MLLT10: variants seen among roughly 807,000 people sequenced by gnomAD.
The protein encoded by MLLT10 is protein AF-10.
In MLLT10, 30 loss-of-function variants were observed where a neutral mutation model predicts 129.1. That is an observed-to-expected ratio of 0.23 (90% confidence interval 0.17 to 0.32). MLLT10 has a LOEUF of 0.32. Among genes scored for constraint, MLLT10 ranks in the 10% least tolerant of loss-of-function variants. MLLT10 has a pLI of 1.00. For synonymous variants in MLLT10, 490 were observed against 446.4 expected (o/e 1.10, Z -1.23); for missense variants, 1,119 against 1,268.3 (o/e 0.88, Z 1.79).
intron 14 of MLLT10, among the ~76,000 whole-genome samples, chr10:21,723,594 G>A (rs2057282998): frequency 6.6e-6 from 1 of 152,148 alleles, no homozygotes; most frequent in African/African-American, 2.4e-5. Flanking sequence ...ACTAAAATGA[G>A]AATGCTATCC....
chr10:21,546,831 G>A (rs1380358123), intron 3 of MLLT10, among the ~76,000 whole-genome samples: 1 of 151,880 alleles, frequency 6.6e-6, no homozygotes, highest in Non-Finnish European at 1.5e-5. Context: ...GGGTTCAAGC[G>A]ATTGTCCTGC....
intron 3 of MLLT10, among the ~76,000 whole-genome samples, chr10:21,541,991 A>G (rs1253215295): frequency 1.3e-5 from 2 of 151,978 alleles, no homozygotes; most frequent in East Asian, 3.9e-4. Context: ...TTTTCTTTGT[A>G]TCATGTTACG....
intron 4 of MLLT10, 39 bp from the exon 5 acceptor site, chr10:21,595,292 A>G (rs374961268): frequency 2.0e-4 from 314 of 1,542,818 alleles, no homozygotes; most frequent in Non-Finnish European, 2.6e-4. Context: ...TTTGCTTTCG[A>G]TAAAACTGAA....
chr10:21,607,349 T>C (rs966927121), intron 5 of MLLT10, among the ~76,000 whole-genome samples: 11 of 150,648 alleles, frequency 7.3e-5, no homozygotes, highest in African/African-American at 2.7e-4. Flanking sequence ...AGATGGAGTT[T>C]TGCTCTTGTT....
chr10:21,694,564 A>T lies in MLLT10; in HGVS notation c.1699+12307A>T, dbSNP rs182678637. ...GTGTTTAAGGATTCCTGTGGGCTAT[A>T]ATTTATTATTCATGATTTATTGTGA... On this transcript the variant is annotated intron_variant, in intron 13 of 22. Coordinates refer to ENST00000307729, the MANE Select transcript of MLLT10 (RefSeq NM_001195626.3). Among the ~76,000 whole-genome samples the T allele has an allele frequency of 2.6e-5, 4 of 152,222 alleles. No individual in the cohort carries two copies. In the East Asian group the frequency reaches 7.7e-4, roughly 29 times the overall value.
intron 9 of MLLT10, among the ~76,000 whole-genome samples, chr10:21,667,773 G>C (rs1445738796): frequency 6.6e-6 from 1 of 152,024 alleles, no homozygotes; most frequent in Non-Finnish European, 1.5e-5. Flanking sequence ...AATAATCATA[G>C]CTGCTGTTTC....
At chr10:21,556,834 C>T in intron 3 of MLLT10, 1 of 1,555,480 alleles carries the variant, frequency 6.4e-7, no homozygotes, top group South Asian at 1.2e-5. Flanking sequence ...AGTCATTTAC[C>T]ACTTGTCATA....
intron 3 of MLLT10, 65 bp downstream of exon 3, chr10:21,538,977 C>T (rs1176147803): frequency 2.6e-6 from 3 of 1,161,250 alleles, no homozygotes; most frequent in Non-Finnish European, 3.8e-6. Context: ...GAACTGCACT[C>T]CTGTTGTGGT....
At position 21,741,999 on chromosome 10, in the gene MLLT10, T is replaced by C; in HGVS notation, c.*16T>C. On this transcript the variant is annotated 3_prime_UTR_variant, in exon 23 of 23. Transcript: ENST00000307729. ...GAAAAGTTGACACCTGAGAAACATCTAGAAATTGCCTATCCTGCTGTTCTA... is the reference window on the plus strand; with the variant it reads ...GAAAAGTTGACACCTGAGAAACATCCAGAAATTGCCTATCCTGCTGTTCTA... The C allele has an allele frequency of 6.2e-7, 1 of 1,611,918 alleles. No homozygotes were observed. Among genetic ancestry groups the C allele is most frequent in the Non-Finnish European group, 8.5e-7 (1 of 1,179,418 alleles).
In MLLT10 at chr10:21,535,381, T is replaced by TGCC. The variant is rs531748548; in HGVS notation, c.160+587_160+589dup. On this transcript the variant is annotated intron_variant, in intron 2 of 22. Transcript: ENST00000307729. ...ACCCCGAGCCAGAAGGCTCGGGCCCTGCCGCCGCCGCCCGGTAGCTGTCTG... is the reference window on the plus strand; with the variant it reads ...ACCCCGAGCCAGAAGGCTCGGGCCCTGCCGCCGCCGCCGCCCGGTAGCTGTCTG... 2.1e-3 allele frequency among the ~76,000 whole-genome samples: 325 copies of TGCC among 152,050 alleles called. 3 individuals carry two copies. Among genetic ancestry groups the TGCC allele is most frequent in the African/African-American group, 7.4e-3 (309 of 41,502 alleles).
Position 21,740,130 on chromosome 10 carries a change from T to C in MLLT10, c.3056T>C (p.Ile1019Thr). 1.2e-6 allele frequency: 2 copies of C among 1,614,086 alleles called. No homozygotes were observed. The highest frequency in any genetic ancestry group is 1.7e-6 in the Non-Finnish European group (2 of 1,180,016). ...CTGCAGATCCCTGGACCAACACAAA[T>C]ACCCATAAACAACCTTCTTGCAGGT... ...QQLQIPGPTQ[I>T]PINNLLAGTQ... Residue 1019 changes from isoleucine (I) to threonine (T), a missense_variant, in exon 22 of 23, where the codon ATA becomes ACA. Physicochemically the swap from Ile to Thr is moderately conservative, Grantham distance 89. Around this residue, in one of 5 missense-constraint regions of MLLT10, gnomAD observed 1,004 missense variants for 1,008.7 expected, o/e 1.00. Coordinates refer to ENST00000307729, the MANE Select transcript of MLLT10 (RefSeq NM_001195626.3).
chr10:21,705,403 T>C (rs1359550279), intron 13 of MLLT10, among the ~76,000 whole-genome samples: 2 of 152,138 alleles, frequency 1.3e-5, no homozygotes, highest in Admixed American at 1.3e-4. Context: ...GGGGCAAAGC[T>C]GGGTTGGTGG....
chr10:21,662,091 A>G (rs974765955), intron 9 of MLLT10, among the ~76,000 whole-genome samples: 7 of 151,828 alleles, frequency 4.6e-5, no homozygotes, highest in Non-Finnish European at 7.4e-5. Flanking sequence ...GCAAATTCAG[A>G]TATCATTCTT....
At chr10:21,693,170 TA>T (rs2054038702) in intron 13 of MLLT10, among the ~76,000 whole-genome samples, 1 of 152,196 alleles carries the variant, frequency 6.6e-6, no homozygotes, top group Non-Finnish European at 1.5e-5. Context: ...TTAGTGTTTA[TA>T]GAGAAAAAAT....
At chr10:21,605,299 A>G (rs2043952632) in intron 5 of MLLT10, among the ~76,000 whole-genome samples, 2 of 152,128 alleles carry the variant, frequency 1.3e-5, no homozygotes, top group Admixed American at 1.3e-4. Context: ...GCCCAGCATC[A>G]CAAGAGAATA....
intron 3 of MLLT10, among the ~76,000 whole-genome samples, chr10:21,540,430 C>T (rs1245866201): frequency 1.3e-5 from 2 of 151,704 alleles, no homozygotes; most frequent in Non-Finnish European, 2.9e-5. Context: ...GTGGCTTGCA[C>T]CTGTACTCCC....
At chr10:21,571,821 T>C (rs1280429616) in intron 3 of MLLT10, among the ~76,000 whole-genome samples, 1 of 152,230 alleles carries the variant, frequency 6.6e-6, no homozygotes, top group Non-Finnish European at 1.5e-5. Context: ...AGAAGGTGTT[T>C]ATATGTCCTA....
intron 8 of MLLT10, 65 bp downstream of exon 8, chr10:21,617,272 T>G (rs2045360969): frequency 1.3e-6 from 1 of 750,986 alleles, no homozygotes; most frequent in Non-Finnish European, 2.0e-6. Context: ...TTTTGCCTTT[T>G]TAGATAAAAT....
chr10:21,559,248 T>A (rs1346817994), intron 3 of MLLT10, among the ~76,000 whole-genome samples: 1 of 152,162 alleles, frequency 6.6e-6, no homozygotes, highest in East Asian at 1.9e-4. Context: ...CACGCCTGAC[T>A]AATTTTTGTA....
Sources: allele counts gnomAD v4.1 joint callset (sites outside exome capture counted in the v4.1 genomes callset), GRCh38; gene constraint gnomAD v4.1.1; regional missense constraint gnomAD v4.1.1; transcripts MANE v1.5; gene names NCBI Gene and HGNC (gene_info 2026-07-23, HGNC 2026-07-21).